The following AGBL4 variants were observed in gnomAD, a reference collection of about 807,000 sequenced individuals.
AGBL4 encodes the protein cytosolic carboxypeptidase 6.
In AGBL4, 58 loss-of-function variants were observed where a neutral mutation model predicts 66.4. The observed-to-expected ratio is 0.87, with a 90% CI of 0.71 to 1.09. AGBL4 has a LOEUF of 1.09. Among genes scored for constraint, AGBL4 ranks in the 50% least tolerant of loss-of-function variants. AGBL4 has a pLI of 0.00. For missense variants in AGBL4, 579 were observed against 631.0 expected, an observed-to-expected ratio of 0.92 and a Z score of 0.88; for synonymous variants, 234 against 222.9, an observed-to-expected ratio of 1.05 and a Z score of -0.44.
chr1:49,430,341 T>A (rs975328619), intron 3 of AGBL4, among the ~76,000 whole-genome samples: 1 of 152,154 alleles, frequency 6.6e-6, no homozygotes, highest in Admixed American at 6.6e-5. Context: ...TTGTTTGACT[T>A]TAGAAAAATA....
intron 3 of AGBL4, among the ~76,000 whole-genome samples, chr1:49,439,704 G>C (rs540171329): frequency 6.6e-6 from 1 of 152,142 alleles, no homozygotes; most frequent in Non-Finnish European, 1.5e-5. Context: ...GCAGAAAAAC[G>C]TGAAAAGAAT....
chr1:49,962,231 C>G (rs557142805), intron 1 of AGBL4, among the ~76,000 whole-genome samples: 1 of 152,034 alleles, frequency 6.6e-6, no homozygotes, highest in African/African-American at 2.4e-5. Context: ...ATTTCATGAT[C>G]GCCAATCCCT....
At chr1:50,003,801 C>T (rs1660936352) in intron 1 of AGBL4, among the ~76,000 whole-genome samples, 1 of 152,126 alleles carries the variant, frequency 6.6e-6, no homozygotes, top group South Asian at 2.1e-4. Context: ...TTCAGGAACA[C>T]TACAGCGAAA....
intron 2 of AGBL4, among the ~76,000 whole-genome samples, chr1:49,755,981 A>G (rs1651857138): frequency 6.6e-6 from 1 of 152,148 alleles, no homozygotes; most frequent in Admixed American, 6.6e-5. Context: ...CAATACATTC[A>G]ATATTTCCCC....
intron 8 of AGBL4, among the ~76,000 whole-genome samples, chr1:48,644,148 G>A (rs1196235790): frequency 6.6e-6 from 1 of 152,040 alleles, no homozygotes; most frequent in African/African-American, 2.4e-5. Context: ...AAAACACTTA[G>A]AATAGTGTCT....
At chr1:49,750,746 G>T (rs1275170042) in intron 2 of AGBL4, among the ~76,000 whole-genome samples, 1 of 152,158 alleles carries the variant, frequency 6.6e-6, no homozygotes, top group Non-Finnish European at 1.5e-5. Context: ...CCATTTGTTT[G>T]TGTCCTCTCT....
At chr1:49,138,168 T>C (rs939361343) in intron 4 of AGBL4, among the ~76,000 whole-genome samples, 6 of 152,048 alleles carry the variant, frequency 3.9e-5, no homozygotes, top group African/African-American at 1.4e-4. Flanking sequence ...TAGAGAGCCT[T>C]GAATGCCAGG....
At chr1:49,579,945 T>C (rs1644509783) in intron 3 of AGBL4, among the ~76,000 whole-genome samples, 1 of 152,174 alleles carries the variant, frequency 6.6e-6, no homozygotes, top group Non-Finnish European at 1.5e-5. Context: ...GCAGGCTGTC[T>C]CTCCCTTTAG....
chr1:49,439,681 G>C (rs2148666410), intron 3 of AGBL4, among the ~76,000 whole-genome samples: 1 of 152,258 alleles, frequency 6.6e-6, no homozygotes, highest in South Asian at 2.1e-4. Context: ...AGTGCAGCTA[G>C]AATATAAAGC....
chr1:49,785,768 A>G (rs1190739296), intron 2 of AGBL4, among the ~76,000 whole-genome samples: 1 of 151,752 alleles, frequency 6.6e-6, no homozygotes, highest in Non-Finnish European at 1.5e-5. Context: ...CAATAGGAAG[A>G]ACAACAACAA....
At position 48,725,920 on chromosome 1, in the gene AGBL4, G is replaced by A. The variant is rs189405878; in HGVS notation, c.635-62679C>T. On this transcript the variant is annotated intron_variant, in intron 6 of 13. Transcript: ENST00000371839. ...CTTCTGATTTCATTCTGCCTTCTAC[G>A]CTAAGGATAATAACGAACATCTGCA... Among the ~76,000 whole-genome samples, 19 of 152,190 alleles carry A rather than the reference G, an allele frequency of 1.2e-4. No homozygotes were observed. The East Asian group carries it at 1.9e-3, about 15-fold the overall frequency.
At chr1:49,309,359 C>T (rs371996391) in intron 3 of AGBL4, among the ~76,000 whole-genome samples, 4 of 152,096 alleles carry the variant, frequency 2.6e-5, no homozygotes, top group Admixed American at 6.6e-5. Flanking sequence ...TGCAGATGTA[C>T]CCTCAAGACC....
chr1:49,798,277 G>T (rs984358263), intron 2 of AGBL4, among the ~76,000 whole-genome samples: 3 of 152,052 alleles, frequency 2.0e-5, no homozygotes, highest in Non-Finnish European at 4.4e-5. Context: ...GCCTCAGAGG[G>T]CTGTTTCTAA....
rs572798325 is a variant in AGBL4 at position 48,583,501 on chromosome 1, G to A, written c.1267+3503C>T. Among the ~76,000 whole-genome samples the A allele has an allele frequency of 5.9e-5, 9 of 152,252 alleles. No homozygotes were observed. In the East Asian group the frequency reaches 7.7e-4, roughly 13 times the overall value. On this transcript the variant is annotated intron_variant, in intron 11 of 13. Transcript: ENST00000371839. ...ATTCAAACCCAGATATGTCTGAATC[G>A]AAAGTTTGTTCTGTTTGCATAATAC...
chr1:48,881,639 T>C (rs1345277161), intron 5 of AGBL4, among the ~76,000 whole-genome samples: 1 of 149,956 alleles, frequency 6.7e-6, no homozygotes, highest in Non-Finnish European at 1.5e-5. Flanking sequence ...TTAATATAGC[T>C]CCACCAGAGT....
intron 4 of AGBL4, among the ~76,000 whole-genome samples, chr1:49,191,279 C>T (rs1247868483): frequency 6.6e-6 from 1 of 152,180 alleles, no homozygotes; most frequent in Non-Finnish European, 1.5e-5. Flanking sequence ...CAGATTCTCC[C>T]ACCACACCGT....
Position 49,179,119 on chromosome 1 carries a change from A to G in AGBL4, c.377+66651T>C, listed in dbSNP as rs370989039. On this transcript the variant is annotated intron_variant, in intron 4 of 13. Transcript: ENST00000371839. Reference sequence around the variant, plus strand: ...ATAATGCTAAGAGTACTGGGAAACCATTAAAGCATTTTAAACAGATTTTCA... The same window carrying G: ...ATAATGCTAAGAGTACTGGGAAACCGTTAAAGCATTTTAAACAGATTTTCA... Among the ~76,000 whole-genome samples, 164 of 152,304 alleles carry G rather than the reference A, an allele frequency of 1.1e-3. 1 individual carries two copies. Among genetic ancestry groups the G allele is most frequent in the African/African-American group, 3.8e-3 (158 of 41,568 alleles).
intron 5 of AGBL4, among the ~76,000 whole-genome samples, chr1:49,027,121 A>G (rs924615872): frequency 1.3e-5 from 2 of 152,140 alleles, no homozygotes; most frequent in African/African-American, 4.8e-5. Flanking sequence ...GAAGGAGCAC[A>G]GCATACCTTC....
intron 11 of AGBL4, among the ~76,000 whole-genome samples, chr1:48,554,843 G>A (rs190811292): frequency 3.3e-5 from 5 of 152,106 alleles, no homozygotes; most frequent in African/African-American, 4.8e-5. Flanking sequence ...ACTTAAACTC[G>A]GGTCTGTCCT....
Sources: gnomAD v4.1 joint callset for allele counts (sites outside exome capture counted in the v4.1 genomes callset) on GRCh38, gnomAD v4.1.1 for gene constraint, MANE v1.5 for transcripts, NCBI Gene and HGNC (gene_info 2026-07-23, HGNC 2026-07-21) for gene names.